The following SLC7A1 variants were observed in gnomAD, a reference collection of about 807,000 sequenced individuals.
The protein encoded by SLC7A1 is high affinity cationic amino acid transporter 1.
In SLC7A1, 10 loss-of-function variants were observed where a neutral mutation model predicts 53.9. The observed-to-expected ratio is 0.19, with a 90% CI of 0.11 to 0.31. SLC7A1 has a LOEUF of 0.31. Among genes scored for constraint, SLC7A1 ranks in the 10% least tolerant of loss-of-function variants. SLC7A1 has a pLI of 1.00. For synonymous variants in SLC7A1, 342 were observed against 338.7 expected (o/e 1.01, Z -0.11); for missense variants, 525 against 827.2 (o/e 0.63, Z 4.48).
In SLC7A1 at chr13:29,523,331, C is replaced by G; in HGVS notation, c.984G>C (p.Lys328Asn). 6.2e-7 allele frequency: 1 copy of G among 1,613,810 alleles called. No homozygotes were observed. The highest frequency in any genetic ancestry group is 8.5e-7 in the Non-Finnish European group (1 of 1,180,010). Residue 328 changes from lysine (K) to asparagine (N), a missense_variant, in exon 7 of 13, where the codon AAG becomes AAC. Physicochemically the swap from Lys to Asn is moderately conservative, Grantham distance 94. Transcript: ENST00000380752. ...ACTTGGCACCTTCCCAGCCCACGTG[C>G]TTAAAGGCGTCGGGCAGGGGGCTGT... is the stretch of plus-strand genomic sequence containing the variant. ...DNNSPLPDAFKHVGWEGAKYA... is the reference protein window; with the variant it reads ...DNNSPLPDAFNHVGWEGAKYA...
chr13:29,542,578 G>C (rs1158586000), intron 2 of SLC7A1, among the ~76,000 whole-genome samples: 1 of 151,770 alleles, frequency 6.6e-6, no homozygotes, highest in East Asian at 1.9e-4. Context: ...AGCTACTCAG[G>C]AGGCTGAGCC....
intron 1 of SLC7A1, among the ~76,000 whole-genome samples, chr13:29,576,600 C>T (rs932775182): frequency 1.3e-5 from 2 of 152,130 alleles, no homozygotes; most frequent in Admixed American, 6.5e-5. Flanking sequence ...TGGGCCATCC[C>T]GATGGTCCAC....
intron 10 of SLC7A1, 92 bp downstream of exon 10, chr13:29,517,481 T>A (rs548331990): frequency 1.6e-6 from 2 of 1,260,678 alleles, no homozygotes; most frequent in Non-Finnish European, 2.3e-6. Flanking sequence ...CAGATGCTCA[T>A]CTTCTCTGGC....
At chr13:29,532,762 A>T (rs9579388) in intron 4 of SLC7A1, 62 bp downstream of exon 4, 21 of 1,420,832 alleles carry the variant, frequency 1.5e-5, no homozygotes, top group Admixed American at 4.2e-5. Flanking sequence ...ACTTAACAGG[A>T]GCCTCTCACC....
chr13:29,574,795 C>A (rs1040458225), intron 1 of SLC7A1, among the ~76,000 whole-genome samples: 1 of 151,994 alleles, frequency 6.6e-6, no homozygotes, highest in Non-Finnish European at 1.5e-5. Flanking sequence ...CAGGTGCGCG[C>A]CACCATGACT....
intron 2 of SLC7A1, among the ~76,000 whole-genome samples, chr13:29,540,760 C>T (rs767986669): frequency 1.3e-5 from 2 of 152,242 alleles, no homozygotes; most frequent in Non-Finnish European, 2.9e-5. Context: ...CGACCCCTTT[C>T]TCCAGGCACC....
At chr13:29,564,781 G>C (rs187469200) in intron 1 of SLC7A1, among the ~76,000 whole-genome samples, 144 of 152,280 alleles carry the variant, frequency 9.5e-4, no homozygotes, top group Middle Eastern at 3.4e-3. Context: ...AGAAAATACT[G>C]CTACATTCAC....
intron 5 of SLC7A1, 53 bp from the exon 6 acceptor site, chr13:29,524,306 G>A (rs539774244): frequency 1.8e-4 from 286 of 1,609,086 alleles, no homozygotes; most frequent in South Asian, 1.3e-3. Flanking sequence ...GCAGTCTGGC[G>A]TAAGGAGCTG....
intron 1 of SLC7A1, among the ~76,000 whole-genome samples, chr13:29,560,566 T>C (rs1870709157): frequency 6.6e-6 from 1 of 151,994 alleles, no homozygotes; most frequent in South Asian, 2.1e-4. Context: ...AGTCATTTAT[T>C]ATCAAGGATT....
At chr13:29,579,292 G>T (rs1566276344) in intron 1 of SLC7A1, among the ~76,000 whole-genome samples, 1 of 151,954 alleles carries the variant, frequency 6.6e-6, no homozygotes, top group Admixed American at 6.6e-5. Flanking sequence ...CGCACAACAG[G>T]ACACCACGGC....
intron 1 of SLC7A1, among the ~76,000 whole-genome samples, chr13:29,592,584 A>C (rs1872155620): frequency 1.3e-5 from 2 of 152,196 alleles, no homozygotes; most frequent in Non-Finnish European, 2.9e-5. Context: ...ATCATGACCC[A>C]CACTGAACCA....
At chr13:29,530,975 C>G (rs749769617) in intron 4 of SLC7A1, among the ~76,000 whole-genome samples, 7 of 152,100 alleles carry the variant, frequency 4.6e-5, no homozygotes, top group Non-Finnish European at 1.0e-4. Flanking sequence ...GAAGCCCACC[C>G]AAGGGGCACC....
intron 1 of SLC7A1, among the ~76,000 whole-genome samples, chr13:29,581,815 C>T (rs772724986): frequency 6.6e-6 from 1 of 152,204 alleles, no homozygotes; most frequent in African/African-American, 2.4e-5. Flanking sequence ...AAGTAGCAAC[C>T]TCTCCTTCGC....
intron 8 of SLC7A1, 125 bp from the exon 9 acceptor site, chr13:29,519,674 G>A: frequency 1.7e-6 from 1 of 581,158 alleles, no homozygotes; most frequent in Non-Finnish European, 3.1e-6. Flanking sequence ...CCCCTCCCTG[G>A]CCTTCCCATG....
At chr13:29,533,793 CA>C (rs1869281870) in intron 3 of SLC7A1, among the ~76,000 whole-genome samples, 1 of 152,226 alleles carries the variant, frequency 6.6e-6, no homozygotes, top group African/African-American at 2.4e-5. Context: ...TAAAGGGTGT[CA>C]GAATGTGTTT....
chr13:29,594,900 G>A (rs1006661941), intron 1 of SLC7A1, among the ~76,000 whole-genome samples: 1 of 152,136 alleles, frequency 6.6e-6, no homozygotes, highest in East Asian at 1.9e-4. Context: ...CCCTCCGGGC[G>A]GCCGGGCAGA....
At chr13:29,548,309 A>T (rs1236412012) in intron 2 of SLC7A1, among the ~76,000 whole-genome samples, 2 of 152,254 alleles carry the variant, frequency 1.3e-5, no homozygotes, top group African/African-American at 4.8e-5. Flanking sequence ...GGAGCTATAC[A>T]TTGGAAGGAA....
intron 1 of SLC7A1, among the ~76,000 whole-genome samples, chr13:29,581,422 A>T (rs555146465): frequency 2.0e-5 from 3 of 152,174 alleles, no homozygotes; most frequent in African/African-American, 7.2e-5. Context: ...AACATAGGTC[A>T]GACACAGCCA....
chr13:29,560,818 G>C (rs547410262), intron 1 of SLC7A1, among the ~76,000 whole-genome samples: 38 of 152,218 alleles, frequency 2.5e-4, no homozygotes, highest in African/African-American at 8.9e-4. Flanking sequence ...TATATTTACA[G>C]TGGACACCTG....
Sources: gnomAD v4.1 joint callset for allele counts (sites outside exome capture counted in the v4.1 genomes callset) on GRCh38, gnomAD v4.1.1 for gene constraint, MANE v1.5 for transcripts, NCBI Gene and HGNC (gene_info 2026-07-23, HGNC 2026-07-21) for gene names.